Variants in PKNOX2 observed in about 807,000 individuals in gnomAD.
PKNOX2 encodes the protein homeobox protein PKNOX2.
In PKNOX2, 14 loss-of-function variants were observed where a neutral mutation model predicts 53.1. The observed-to-expected ratio is 0.26, with a 90% confidence interval of 0.17 to 0.41. The LOEUF is 0.41. PKNOX2 is among the 10% of genes least tolerant of loss of function. The pLI, the probability that PKNOX2 is intolerant of heterozygous loss-of-function variation, is 1.00. For synonymous variants in PKNOX2, 257 were observed against 242.8 expected (o/e 1.06, Z -0.54); for missense variants, 496 against 602.8 (o/e 0.82, Z 1.85).
At chr11:125,245,419 A>G (rs989408092) in intron 2 of PKNOX2, among the ~76,000 whole-genome samples, 3 of 152,210 alleles carry the variant, frequency 2.0e-5, no homozygotes, top group Non-Finnish European at 4.4e-5. Flanking sequence ...CACTGCTAAA[A>G]AGCAGAGCCA....
At chr11:125,376,706 C>G (rs191895564) in intron 5 of PKNOX2, among the ~76,000 whole-genome samples, 2 of 152,162 alleles carry the variant, frequency 1.3e-5, no homozygotes, top group Non-Finnish European at 2.9e-5. Flanking sequence ...TTCACTGATT[C>G]GTCAAAAATG....
At chr11:125,197,405 G>T (rs544928082) in intron 1 of PKNOX2, among the ~76,000 whole-genome samples, 1 of 152,168 alleles carries the variant, frequency 6.6e-6, no homozygotes, top group African/African-American at 2.4e-5. Context: ...GGTCTTTGAA[G>T]CCAAGGATCA....
intron 2 of PKNOX2, among the ~76,000 whole-genome samples, chr11:125,326,051 A>G (rs926913730): frequency 3.9e-5 from 6 of 152,232 alleles, no homozygotes; most frequent in African/African-American, 1.2e-4. Flanking sequence ...TGTGACAGGA[A>G]CAGTACTTTC....
intron 7 of PKNOX2, among the ~76,000 whole-genome samples, chr11:125,399,441 G>T (rs374138412): frequency 7.9e-5 from 12 of 152,352 alleles, no homozygotes; most frequent in East Asian, 7.7e-4. Context: ...TTACCATGGT[G>T]ACGCTGCGCA....
intron 1 of PKNOX2, among the ~76,000 whole-genome samples, chr11:125,170,909 T>C (rs890220121): frequency 3.3e-5 from 5 of 151,622 alleles, no homozygotes; most frequent in Non-Finnish European, 5.9e-5. Context: ...TTCTGCTTAG[T>C]AGGAACGTGG....
At chr11:125,343,124 T>G (rs1591535288) in intron 3 of PKNOX2, among the ~76,000 whole-genome samples, 2 of 150,762 alleles carry the variant, frequency 1.3e-5, no homozygotes, top group African/African-American at 2.4e-5. Context: ...TTCCTGGGGG[T>G]GAACAATAGG....
chr11:125,263,650 G>A (rs1369344905), intron 2 of PKNOX2, among the ~76,000 whole-genome samples: 1 of 152,248 alleles, frequency 6.6e-6, no homozygotes, highest in Non-Finnish European at 1.5e-5. Context: ...GCTGCCGAGG[G>A]CCAGACTGGG....
intron 3 of PKNOX2, among the ~76,000 whole-genome samples, chr11:125,347,847 G>C (rs749704826): frequency 6.6e-5 from 10 of 152,182 alleles, no homozygotes; most frequent in Non-Finnish European, 1.3e-4. Flanking sequence ...ACCTTTCCCT[G>C]TGAGCCTGTT....
In PKNOX2 at chr11:125,213,869, A is replaced by G. The variant is rs993518340; in HGVS notation, c.-200-21176A>G. Among the ~76,000 whole-genome samples, 6 of 152,006 alleles carry G rather than the reference A, an allele frequency of 3.9e-5. No homozygotes were observed. The South Asian group carries it at 1.0e-3, about 26-fold the overall frequency. On this transcript the variant is annotated intron_variant, in intron 1 of 12. Coordinates refer to ENST00000298282, the MANE Select transcript of PKNOX2 (RefSeq NM_001382323.2). The stretch of plus-strand genomic sequence containing the variant: ...GTGCGCACAGAGGAAAAAAGCCCCA[A>G]ACCACGTATGTGGAAAGTAAAGACA...
chr11:125,318,688 T>C (rs1382061308), intron 2 of PKNOX2, among the ~76,000 whole-genome samples: 1 of 152,188 alleles, frequency 6.6e-6, no homozygotes, highest in East Asian at 1.9e-4. Flanking sequence ...AAGGCCTAAC[T>C]TTTGCCCTAT....
chr11:125,296,109 C>A (rs182699597), intron 2 of PKNOX2, among the ~76,000 whole-genome samples: 1 of 152,184 alleles, frequency 6.6e-6, no homozygotes, highest in Non-Finnish European at 1.5e-5. Context: ...TCCACGCTGG[C>A]CCCAGTCCCA....
intron 1 of PKNOX2, among the ~76,000 whole-genome samples, chr11:125,202,583 C>A (rs2135408437): frequency 6.6e-6 from 1 of 152,282 alleles, no homozygotes; most frequent in Non-Finnish European, 1.5e-5. Flanking sequence ...GGTGTCCAGG[C>A]CGACAGAGTG....
At chr11:125,183,189 C>G (rs1402563219) in intron 1 of PKNOX2, among the ~76,000 whole-genome samples, 2 of 142,448 alleles carry the variant, frequency 1.4e-5, no homozygotes, top group Non-Finnish European at 3.0e-5. Flanking sequence ...CTGTAGCATG[C>G]GATGAATCCT....
At chr11:125,185,621 G>T (rs913584661) in intron 1 of PKNOX2, among the ~76,000 whole-genome samples, 9 of 152,044 alleles carry the variant, frequency 5.9e-5, no homozygotes, top group African/African-American at 2.2e-4. Flanking sequence ...GTCCTTTTGT[G>T]TATGGTTGTT....
chr11:125,265,116 A>G (rs1198270538), intron 2 of PKNOX2, among the ~76,000 whole-genome samples: 1 of 152,002 alleles, frequency 6.6e-6, no homozygotes, highest in East Asian at 1.9e-4. Flanking sequence ...GTGAAACCCC[A>G]TCTCTACTAA....
chr11:125,349,456 A>C (rs1951179654), intron 3 of PKNOX2, among the ~76,000 whole-genome samples: 1 of 152,212 alleles, frequency 6.6e-6, no homozygotes, highest in Non-Finnish European at 1.5e-5. Context: ...GCTGTTGTGA[A>C]GATATCCTGG....
intron 4 of PKNOX2, among the ~76,000 whole-genome samples, chr11:125,360,406 T>A (rs1951861782): frequency 6.6e-6 from 1 of 152,216 alleles, no homozygotes; most frequent in Non-Finnish European, 1.5e-5. Flanking sequence ...GCGGGGCATC[T>A]GCTGCTTGCA....
intron 1 of PKNOX2, among the ~76,000 whole-genome samples, chr11:125,190,791 G>A (rs112266204): frequency 1.1e-3 from 166 of 152,146 alleles, no homozygotes; most frequent in Non-Finnish European, 1.6e-3. Flanking sequence ...TAAATACAGC[G>A]CTCTGTGACC....
In PKNOX2 at chr11:125,431,073, C is replaced by T. The variant is rs757719871; in HGVS notation, c.1193-93C>T. On this transcript the variant is annotated intron_variant, in intron 12 of 12. Coordinates refer to ENST00000298282, the MANE Select transcript of PKNOX2 (RefSeq NM_001382323.2). ...CTCTAAAAACAAGGAGTTCACTGCT[C>T]TATGAGCCAGTCCATTAAACCCTGT... The T allele has an allele frequency of 7.7e-5, 115 of 1,501,352 alleles. 1 individual carries two copies. Among genetic ancestry groups the T allele is most frequent in the Non-Finnish European group, 6.5e-5 (73 of 1,124,778 alleles). The allele number at this position is 1,501,352 out of a possible 1,614,324, so 93.0% of individuals were successfully genotyped here. A position where few individuals can be genotyped will look rare whatever the true frequency, so the allele number is the denominator to read the frequency against.
Sources: allele counts gnomAD v4.1 joint callset (sites outside exome capture counted in the v4.1 genomes callset), GRCh38; gene constraint gnomAD v4.1.1; transcripts MANE v1.5; gene names NCBI Gene and HGNC (gene_info 2026-07-23, HGNC 2026-07-21).